Variants in RIT2 observed in about 807,000 individuals in gnomAD.
RIT2 encodes Ras like without CAAX 2.
Under a neutral mutation model 23.7 loss-of-function variants are expected in RIT2, and 24 were observed. The ratio of observed to expected loss-of-function variants is 1.01; its 90% CI spans 0.73 to 1.43. The LOEUF is 1.43. RIT2 is among the 40% of genes most tolerant of loss of function. The pLI is 0.00. For missense variants in RIT2, 236 were observed against 266.9 expected, an observed-to-expected ratio of 0.88 and a Z score of 0.81; for synonymous variants, 107 against 91.1, an observed-to-expected ratio of 1.17 and a Z score of -0.99.
At chr18:43,073,225 A>C (rs1305225939) in intron 1 of RIT2, among the ~76,000 whole-genome samples, 2 of 152,214 alleles carry the variant, frequency 1.3e-5, no homozygotes, top group Non-Finnish European at 2.9e-5. Context: ...GGTTAGCATG[A>C]GATCAGTCCT....
intron 2 of RIT2, among the ~76,000 whole-genome samples, chr18:43,001,682 C>G (rs1274782705): frequency 6.6e-6 from 1 of 151,976 alleles, no homozygotes; most frequent in Non-Finnish European, 1.5e-5. Context: ...GGGATTTTAT[C>G]TGGAGACTTG....
In RIT2 at chr18:42,989,276, G is replaced by C. The variant is rs1910785234; in HGVS notation, c.161-15129C>G. 2.0e-5 allele frequency among the ~76,000 whole-genome samples: 3 copies of C among 152,238 alleles called. No individual in the cohort carries two copies. In the South Asian group the frequency reaches 6.2e-4, roughly 32 times the overall value. Reference sequence around the variant, plus strand: ...TACATACAAATCTCCTGAGGATCTGGTTAAAATGCAGATTCTGATTCAGTG... The same window carrying C: ...TACATACAAATCTCCTGAGGATCTGCTTAAAATGCAGATTCTGATTCAGTG... On this transcript the variant is annotated intron_variant, in intron 2 of 4. Coordinates refer to ENST00000326695, the MANE Select transcript of RIT2 (RefSeq NM_002930.4).
intron 4 of RIT2, among the ~76,000 whole-genome samples, chr18:42,760,154 G>A (rs972434220): frequency 5.9e-5 from 9 of 152,200 alleles, no homozygotes; most frequent in Non-Finnish European, 7.3e-5. Flanking sequence ...CCCTTGGATT[G>A]TGGGGATATT....
chr18:43,004,979 A>G (rs552640284), intron 2 of RIT2, among the ~76,000 whole-genome samples: 1 of 151,948 alleles, frequency 6.6e-6, no homozygotes, highest in African/African-American at 2.4e-5. Context: ...TAATTGTGCC[A>G]GAATCTGGAA....
chr18:42,868,898 C>T (rs1007122837), intron 4 of RIT2, among the ~76,000 whole-genome samples: 3 of 152,148 alleles, frequency 2.0e-5, no homozygotes, highest in South Asian at 2.1e-4. Context: ...AATTATAAAA[C>T]GTCTGTGACA....
chr18:43,018,916 C>A (rs763525937), intron 2 of RIT2, among the ~76,000 whole-genome samples: 7 of 151,686 alleles, frequency 4.6e-5, no homozygotes, highest in Non-Finnish European at 1.0e-4. Context: ...CTCAATATTA[C>A]TACTACAGAA....
At chr18:43,019,841 T>G (rs111355867) in intron 2 of RIT2, among the ~76,000 whole-genome samples, 1 of 151,970 alleles carries the variant, frequency 6.6e-6, no homozygotes, top group Admixed American at 6.6e-5. Flanking sequence ...AGTAAAGTTG[T>G]AGAATATAAA....
intron 1 of RIT2, 56 bp downstream of exon 1, chr18:43,115,361 A>G: frequency 1.2e-6 from 2 of 1,602,700 alleles, no homozygotes; most frequent in Non-Finnish European, 8.5e-7. Context: ...CTTTCACTCT[A>G]TAGAGTTGTC....
rs118134154 is a variant in RIT2, at chr18:43,020,101, G to T, written c.160+13710C>A. Among the ~76,000 whole-genome samples the T allele has an allele frequency of 5.3e-5, 8 of 152,144 alleles. No individual in the cohort carries two copies. In the East Asian group the frequency reaches 1.6e-3, roughly 30 times the overall value. ...TTCAAATAATTAATACTGTTAAAAT[G>T]GACATATTACCCAAAGCTATCTACA... On this transcript the variant is annotated intron_variant, in intron 2 of 4. Coordinates refer to ENST00000326695, the MANE Select transcript of RIT2 (RefSeq NM_002930.4).
intron 4 of RIT2, among the ~76,000 whole-genome samples, chr18:42,824,728 A>G (rs570940079): frequency 6.6e-6 from 1 of 151,630 alleles, no homozygotes; most frequent in African/African-American, 2.4e-5. Flanking sequence ...AGCTATAGCT[A>G]GTTTAAAACC....
intron 4 of RIT2, among the ~76,000 whole-genome samples, chr18:42,818,624 A>G (rs993644194): frequency 3.3e-5 from 5 of 152,044 alleles, no homozygotes; most frequent in Non-Finnish European, 2.9e-5. Flanking sequence ...TGAGTATATC[A>G]AGAAGCACAG....
At chr18:43,060,120 G>C (rs1320306487) in intron 1 of RIT2, among the ~76,000 whole-genome samples, 1 of 152,106 alleles carries the variant, frequency 6.6e-6, no homozygotes, top group Non-Finnish European at 1.5e-5. Context: ...TTTATAGAGA[G>C]CAGTAGAATT....
At chr18:42,744,240 T>C (rs1268185610) in intron 4 of RIT2, among the ~76,000 whole-genome samples, 1 of 152,184 alleles carries the variant, frequency 6.6e-6, no homozygotes, top group South Asian at 2.1e-4. Context: ...ACCCAGGTGA[T>C]TAAAAGCTTT....
At chr18:42,790,300 C>T (rs1178123284) in intron 4 of RIT2, among the ~76,000 whole-genome samples, 3 of 152,138 alleles carry the variant, frequency 2.0e-5, no homozygotes, top group East Asian at 1.9e-4. Context: ...AAATAACACC[C>T]GACTGAGCAG....
chr18:43,013,734 G>A (rs949188636), intron 2 of RIT2, among the ~76,000 whole-genome samples: 1 of 151,492 alleles, frequency 6.6e-6, no homozygotes, highest in Non-Finnish European at 1.5e-5. Context: ...TGCAATTTTC[G>A]GTATCAAATG....
intron 4 of RIT2, among the ~76,000 whole-genome samples, chr18:42,775,590 G>C (rs1017992365): frequency 1.3e-5 from 2 of 151,944 alleles, no homozygotes; most frequent in Non-Finnish European, 2.9e-5. Context: ...CCAGCTACTC[G>C]GGAGGCTGAG....
intron 2 of RIT2, among the ~76,000 whole-genome samples, chr18:42,995,425 G>C (rs912283760): frequency 3.9e-5 from 6 of 152,126 alleles, no homozygotes; most frequent in African/African-American, 1.2e-4. Context: ...CTTTCCTACA[G>C]GGTCTAAGAA....
intron 1 of RIT2, among the ~76,000 whole-genome samples, chr18:43,036,209 A>G (rs1462519055): frequency 6.6e-6 from 1 of 152,222 alleles, no homozygotes; most frequent in African/African-American, 2.4e-5. Flanking sequence ...TCAGAAATAA[A>G]TGAATCAGTC....
intron 2 of RIT2, among the ~76,000 whole-genome samples, chr18:43,023,894 A>AAAGGTAAG (rs1226320150): frequency 6.6e-6 from 1 of 152,088 alleles, no homozygotes; most frequent in Non-Finnish European, 1.5e-5. Flanking sequence ...GAGACTTGAA[A>AAAGGTAAG]AAGGTAAGGA....
Sources: allele counts gnomAD v4.1 joint callset (sites outside exome capture counted in the v4.1 genomes callset), GRCh38; gene constraint gnomAD v4.1.1; transcripts MANE v1.5; gene names NCBI Gene and HGNC (gene_info 2026-07-23, HGNC 2026-07-21).